Variants in HS3ST5 observed in about 807,000 individuals in gnomAD.
The protein encoded by HS3ST5 is heparan sulfate-glucosamine 3-sulfotransferase 5.
Under a neutral mutation model 25.4 loss-of-function variants are expected in HS3ST5, and 10 were observed. That is an observed-to-expected ratio of 0.39 (90% CI 0.24 to 0.67). The LOEUF is 0.67. Among genes scored for constraint, HS3ST5 ranks in the 30% least tolerant of loss-of-function variants. HS3ST5 has a pLI of 0.44. For missense variants in HS3ST5, 324 were observed against 420.7 expected (o/e 0.77, Z 2.01); for synonymous variants, 170 against 162.4 (o/e 1.05, Z -0.36).
At chr6:114,231,757 A>AT (rs1371709664) in intron 1 of HS3ST5, among the ~76,000 whole-genome samples, 1 of 75,162 alleles carries the variant, frequency 1.3e-5, no homozygotes, top group Non-Finnish European at 3.2e-5. Flanking sequence ...GCCCTATTCT[A>AT]TTTAAAAAAA....
At chr6:114,213,384 A>C (rs1206685559) in intron 2 of HS3ST5, among the ~76,000 whole-genome samples, 1 of 151,616 alleles carries the variant, frequency 6.6e-6, no homozygotes, top group African/African-American at 2.4e-5. Context: ...AGTTTTGGAA[A>C]GGGCAACATT....
In HS3ST5 at chr6:114,286,063, G is replaced by A. The variant is rs1405795933; in HGVS notation, c.-339+56132C>T. On this transcript the variant is annotated intron_variant, in intron 1 of 4. Transcript: ENST00000312719. ...CTAATGCCATAATCTCTAGAGGTTGGATAACAAGTGATACTTACTCCTTTC... is the reference window on the plus strand; with the variant it reads ...CTAATGCCATAATCTCTAGAGGTTGAATAACAAGTGATACTTACTCCTTTC... Among the ~76,000 whole-genome samples, 5 of 151,740 alleles carry A rather than the reference G, an allele frequency of 3.3e-5. No homozygotes were observed. The South Asian group carries it at 8.4e-4, about 25-fold the overall frequency.
intron 3 of HS3ST5, among the ~76,000 whole-genome samples, chr6:114,116,501 CA>C (rs1007665643): frequency 1.3e-5 from 2 of 152,106 alleles, no homozygotes; most frequent in African/African-American, 4.8e-5. Context: ...AGTCAGCTGA[CA>C]AACTTACTAG....
intron 3 of HS3ST5, among the ~76,000 whole-genome samples, chr6:114,122,151 C>A (rs971555604): frequency 6.6e-6 from 1 of 152,290 alleles, no homozygotes; most frequent in South Asian, 2.1e-4. Flanking sequence ...GCTTAGCCAG[C>A]CTTGCTAAGC....
intron 3 of HS3ST5, among the ~76,000 whole-genome samples, chr6:114,082,189 T>A (rs998557950): frequency 5.3e-5 from 8 of 152,232 alleles, no homozygotes; most frequent in Non-Finnish European, 1.2e-4. Context: ...CCTTAATTTC[T>A]TCTCATTCCC....
intron 2 of HS3ST5, among the ~76,000 whole-genome samples, chr6:114,184,054 C>CTTTTTTTTTTTTT (rs34370810): frequency 3.8e-5 from 3 of 78,690 alleles, no homozygotes; most frequent in Non-Finnish European, 6.7e-5. Context: ...TTTTTCCTTT[C>CTTTTTTTTTTTTT]TTTTTTTTTT....
intron 2 of HS3ST5, among the ~76,000 whole-genome samples, chr6:114,211,323 A>G (rs1781501020): frequency 6.6e-6 from 1 of 151,976 alleles, no homozygotes; most frequent in African/African-American, 2.4e-5. Context: ...ATTTCCTCGG[A>G]TTTAGCCCAG....
At chr6:114,205,865 A>G (rs2114400407) in intron 2 of HS3ST5, among the ~76,000 whole-genome samples, 1 of 152,246 alleles carries the variant, frequency 6.6e-6, no homozygotes, top group East Asian at 1.9e-4. Flanking sequence ...TAATGCTGCC[A>G]CTGATCTGAC....
intron 1 of HS3ST5, among the ~76,000 whole-genome samples, chr6:114,241,567 A>T (rs1231972198): frequency 2.6e-5 from 4 of 152,216 alleles, no homozygotes; most frequent in African/African-American, 7.2e-5. Flanking sequence ...TAATGAGGAA[A>T]TTTATCCACT....
At chr6:114,244,534 G>A (rs1003738497) in intron 1 of HS3ST5, among the ~76,000 whole-genome samples, 3 of 152,162 alleles carry the variant, frequency 2.0e-5, no homozygotes, top group Admixed American at 6.5e-5. Flanking sequence ...AGACATAAAT[G>A]TTAGGTGAAA....
intron 3 of HS3ST5, among the ~76,000 whole-genome samples, chr6:114,136,586 G>A (rs1777626698): frequency 6.6e-6 from 1 of 151,990 alleles, no homozygotes; most frequent in Non-Finnish European, 1.5e-5. Flanking sequence ...GAAGTGAATT[G>A]GGCATTAACT....
At chr6:114,126,396 T>C (rs1269033465) in intron 3 of HS3ST5, among the ~76,000 whole-genome samples, 1 of 152,164 alleles carries the variant, frequency 6.6e-6, no homozygotes, top group Non-Finnish European at 1.5e-5. Context: ...CAGCATCTTA[T>C]TGGAAAAAAG....
intron 1 of HS3ST5, among the ~76,000 whole-genome samples, chr6:114,302,976 T>C (rs1775141752): frequency 6.6e-6 from 1 of 152,180 alleles, no homozygotes; most frequent in African/African-American, 2.4e-5. Flanking sequence ...GAGACTAATT[T>C]GGCTCCTGGA....
chr6:114,174,765 C>T (rs1161235648), intron 2 of HS3ST5, among the ~76,000 whole-genome samples: 1 of 152,070 alleles, frequency 6.6e-6, no homozygotes. Context: ...GAGGCCGAGG[C>T]AGGCAGATCA....
intron 3 of HS3ST5, among the ~76,000 whole-genome samples, chr6:114,119,281 T>A (rs754270117): frequency 6.6e-6 from 1 of 152,250 alleles, no homozygotes; most frequent in African/African-American, 2.4e-5. Flanking sequence ...AACACTGGCA[T>A]GGTGGTTGGA....
At chr6:114,172,849 T>C (rs1178902084) in intron 2 of HS3ST5, among the ~76,000 whole-genome samples, 1 of 152,188 alleles carries the variant, frequency 6.6e-6, no homozygotes, top group Non-Finnish European at 1.5e-5. Flanking sequence ...TGCTAGTAAG[T>C]CTGAAAAGAA....
At chr6:114,140,122 C>A (rs1010728970) in intron 3 of HS3ST5, among the ~76,000 whole-genome samples, 26 of 152,114 alleles carry the variant, frequency 1.7e-4, no homozygotes, top group African/African-American at 6.0e-4. Context: ...TCTTCTACTT[C>A]TTTTTCAATC....
chr6:114,152,784 C>T (rs1778520110), intron 3 of HS3ST5, among the ~76,000 whole-genome samples: 1 of 152,192 alleles, frequency 6.6e-6, no homozygotes, highest in Non-Finnish European at 1.5e-5. Context: ...CAGTCAGGCC[C>T]TGTCTCTACT....
intron 3 of HS3ST5, among the ~76,000 whole-genome samples, chr6:114,110,438 G>A (rs1280558120): frequency 6.6e-6 from 1 of 152,082 alleles, no homozygotes; most frequent in Non-Finnish European, 1.5e-5. Context: ...CTGTGCCCAG[G>A]ACCAGGCTGG....
Sources: gnomAD v4.1 joint callset for allele counts (sites outside exome capture counted in the v4.1 genomes callset) on GRCh38, gnomAD v4.1.1 for gene constraint, MANE v1.5 for transcripts, NCBI Gene and HGNC (gene_info 2026-07-23, HGNC 2026-07-21) for gene names.